The following CLDN3 variants were observed in gnomAD, a reference collection of about 807,000 sequenced individuals.
CLDN3 encodes claudin 3.
In CLDN3, 6 loss-of-function variants were observed where a neutral mutation model predicts 16.3. That is an observed-to-expected ratio of 0.37 (90% CI 0.20 to 0.73). The LOEUF (loss-of-function observed/expected upper bound fraction) is 0.73, where lower values mean the gene tolerates loss of function less well. CLDN3 is among the 30% of genes least tolerant of loss of function. The pLI is 0.52. For missense variants in CLDN3, 248 were observed against 305.2 expected, an observed-to-expected ratio of 0.81 and a Z score of 1.40; for synonymous variants, 145 against 150.1, an observed-to-expected ratio of 0.97 and a Z score of 0.25.
In CLDN3 at chr7:73,769,292, C is replaced by G; in HGVS notation, c.*95G>C. The G allele has an allele frequency of 6.6e-7, 1 of 1,505,856 alleles. No individual in the cohort carries two copies. The highest frequency in any genetic ancestry group is 8.8e-7 in the Non-Finnish European group (1 of 1,133,404). The allele number at this position is 1,505,856 out of a possible 1,614,324, so 93.3% of individuals were successfully genotyped here. On this transcript the variant is annotated 3_prime_UTR_variant, in exon 1 of 1. Transcript: ENST00000395145. ...GGGTGGGCTGGCCTCCGAGGCAAGG[C>G]TGCACGCTGGATGGCCTGGTGCGCG...
rs1351950085 is a variant in CLDN3 at position 73,770,270 on chromosome 7, T to C, written c.-221A>G. On this transcript the variant is annotated 5_prime_UTR_variant, in exon 1 of 1. Transcript: ENST00000395145. The surrounding 1 kb of genome is among the most constrained non-coding windows in gnomAD (Gnocchi z 5.7). ...TGTGGGCGGGCGGCGGCGACTGGGC[T>C]GGCCCTGGGCTGGGGCCGGTGCGTC... 3.0e-5 allele frequency: 19 copies of C among 637,484 alleles called. No homozygotes were observed. The highest frequency in any genetic ancestry group is 4.5e-5 in the Non-Finnish European group (19 of 421,324). 39.5% of individuals were successfully genotyped at this position (637,484 alleles called of 1,614,324 possible).
At position 73,769,699 on chromosome 7, in the gene CLDN3, G is replaced by A. The variant is rs1317870609; in HGVS notation, c.351C>T (p.Thr117=). ...VQDDTAKAKI[T]IVAGVLFLLA... is the part of the protein sequence containing the mutation. ...GAAGGAACAGCACGCCTGCCACGAT[G>A]GTGATCTTGGCCTTGGCCGTGTCGT... The change falls in exon 1 of 1, where the codon ACC becomes ACT. Residue 117 remains threonine, a synonymous_variant. Coordinates refer to ENST00000395145, the MANE Select transcript of CLDN3 (RefSeq NM_001306.4). 1 of 1,612,684 alleles carries A rather than the reference G, an allele frequency of 6.2e-7. No homozygotes were observed. Among genetic ancestry groups the A allele is most frequent in the Non-Finnish European group, 8.5e-7 (1 of 1,179,762 alleles).
chr7:73,770,167 T>C lies in CLDN3; in HGVS notation c.-118A>G. On this transcript the variant is annotated 5_prime_UTR_variant, in exon 1 of 1. Coordinates refer to ENST00000395145, the MANE Select transcript of CLDN3 (RefSeq NM_001306.4). This position sits in a 1 kb window ranked among gnomAD's most constrained non-coding sequence, Gnocchi z 5.7. Reference sequence around the variant, plus strand: ...CCGACGGACGGACGGACGGACGGACTGACTCACCGACGGCGCGCGCTAACG... The same window carrying C: ...CCGACGGACGGACGGACGGACGGACCGACTCACCGACGGCGCGCGCTAACG... The C allele has an allele frequency of 2.2e-6, 3 of 1,348,024 alleles. No individual in the cohort carries two copies. The highest frequency in any genetic ancestry group is 2.9e-6 in the Non-Finnish European group (3 of 1,050,390). 83.5% of individuals were successfully genotyped at this position (1,348,024 alleles called of 1,614,324 possible).
chr7:73,769,654 G>C lies in CLDN3; in HGVS notation c.396C>G (p.Leu132=), dbSNP rs782444427. Residue 132 remains leucine, a synonymous_variant, in exon 1 of 1, where the codon CTC becomes CTG. Coordinates refer to ENST00000395145, the MANE Select transcript of CLDN3 (RefSeq NM_001306.4). ...TGTTGGCCGACCAGGACACCGGCAC[G>C]AGGGTGAGCAGGGCGGCGAGAAGGA... is the stretch of plus-strand genomic sequence containing the variant. ...VLFLLAALLT[L]VPVSWSANTI... is the part of the protein sequence containing the mutation. 2.5e-6 allele frequency: 4 copies of C among 1,613,010 alleles called. No individual in the cohort carries two copies. Among genetic ancestry groups the C allele is most frequent in the Non-Finnish European group, 3.4e-6 (4 of 1,179,842 alleles).
Position 73,769,862 on chromosome 7 carries a change from C to T in CLDN3, c.188G>A (p.Cys63Tyr). 1 of 1,612,844 alleles carries T rather than the reference C, an allele frequency of 6.2e-7. No individual in the cohort carries two copies. Among genetic ancestry groups the T allele is most frequent in the Non-Finnish European group, 8.5e-7 (1 of 1,179,968 alleles). The change falls in exon 1 of 1, where the codon TGC becomes TAC. Residue 63 changes from cysteine (C) to tyrosine (Y), a missense_variant. Coordinates refer to ENST00000395145, the MANE Select transcript of CLDN3 (RefSeq NM_001306.4). Reference protein sequence around the residue: ...CVVQSTGQMQCKVYDSLLALP... With the variant: ...CVVQSTGQMQYKVYDSLLALP... The stretch of plus-strand genomic sequence containing the variant: ...TGCCAGCAGCGAGTCGTACACCTTG[C>T]ACTGCATCTGGCCGGTGCTCTGCAC...
rs1236401341 is a variant in CLDN3, at chr7:73,769,036, C to G, written c.*351G>C. ...CTTTTATTGAAAAATATCAAGTGCC[C>G]CTTCCAGGGCTGCCGGTCCCTGCCC... On this transcript the variant is annotated 3_prime_UTR_variant, in exon 1 of 1. Transcript: ENST00000395145. 2.1e-5 allele frequency: 8 copies of G among 386,376 alleles called. No individual in the cohort carries two copies. Among genetic ancestry groups the G allele is most frequent in the Non-Finnish European group, 3.2e-5 (7 of 218,722 alleles). 23.9% of individuals were successfully genotyped at this position (386,376 alleles called of 1,614,324 possible). A position where few individuals can be genotyped will look rare whatever the true frequency, so the allele number is the denominator to read the frequency against.
At position 73,770,168 on chromosome 7, in the gene CLDN3, G is replaced by GACTC. The variant is rs1332320912; in HGVS notation, c.-123_-120dup. Reference sequence around the variant, plus strand: ...CGACGGACGGACGGACGGACGGACTGACTCACCGACGGCGCGCGCTAACGG... The same window carrying GACTC: ...CGACGGACGGACGGACGGACGGACTGACTCACTCACCGACGGCGCGCGCTAACGG... On this transcript the variant is annotated 5_prime_UTR_variant, in exon 1 of 1. Coordinates refer to ENST00000395145, the MANE Select transcript of CLDN3 (RefSeq NM_001306.4). The surrounding 1 kb of genome is among the most constrained non-coding windows in gnomAD (Gnocchi z 5.7). 1.5e-5 allele frequency: 20 copies of GACTC among 1,343,020 alleles called. No homozygotes were observed. Among genetic ancestry groups the GACTC allele is most frequent in the Non-Finnish European group, 1.9e-5 (20 of 1,046,446 alleles). The allele number at this position is 1,343,020 out of a possible 1,614,324, so 83.2% of individuals were successfully genotyped here.
rs1221946749 is a variant in CLDN3 at position 73,769,367 on chromosome 7, G to T, written c.*20C>A. The stretch of plus-strand genomic sequence containing the variant: ...GTGTTGGTGGTGGTGGTGGTGGTGG[G>T]GTCTCCCTGCGTCTGTCCCTTAGAC... On this transcript the variant is annotated 3_prime_UTR_variant, in exon 1 of 1. Coordinates refer to ENST00000395145, the MANE Select transcript of CLDN3 (RefSeq NM_001306.4). The T allele has an allele frequency of 2.3e-5, 36 of 1,568,868 alleles. No individual in the cohort carries two copies. The highest frequency in any genetic ancestry group is 3.0e-5 in the Non-Finnish European group (35 of 1,164,052).
At position 73,769,212 on chromosome 7, in the gene CLDN3, C is replaced by T; in HGVS notation, c.*175G>A. ...GAAGTCGACTGCCCGGCCCGCAAAG[C>T]CGTGGCTGCTGGGGAAGCTGCCCCA... On this transcript the variant is annotated 3_prime_UTR_variant, in exon 1 of 1. Coordinates refer to ENST00000395145, the MANE Select transcript of CLDN3 (RefSeq NM_001306.4). 7.0e-7 allele frequency: 1 copy of T among 1,419,062 alleles called. No homozygotes were observed. The highest frequency in any genetic ancestry group is 1.5e-5 in the South Asian group (1 of 67,250). 87.9% of individuals were successfully genotyped at this position (1,419,062 alleles called of 1,614,324 possible). A position where few individuals can be genotyped will look rare whatever the true frequency, so the allele number is the denominator to read the frequency against.
rs781986336 is a variant in CLDN3, at chr7:73,769,588, C to T, written c.462G>A (p.Ala154=). ...GGCCCGCGCCCATCTCGCGCTTCTG[C>T]GCCTCGGGCACCACGGGGTTGTAGA... ...RDFYNPVVPE[A]QKREMGAGLY... The change falls in exon 1 of 1, where the codon GCG becomes GCA. Residue 154 remains alanine (A), a synonymous_variant. Coordinates refer to ENST00000395145, the MANE Select transcript of CLDN3 (RefSeq NM_001306.4). 3 of 1,607,142 alleles carry T rather than the reference C, an allele frequency of 1.9e-6. No individual in the cohort carries two copies. Among genetic ancestry groups the T allele is most frequent in the East Asian group, 4.5e-5 (2 of 44,718 alleles).
Position 73,769,110 on chromosome 7 carries a change from A to G in CLDN3, c.*277T>C. ...CCGATGGGGCTCGACGGGGTGGTCAAGTATTGGCGGTCACCCAGGCCCCGT... is the reference window on the plus strand; with the variant it reads ...CCGATGGGGCTCGACGGGGTGGTCAGGTATTGGCGGTCACCCAGGCCCCGT... On this transcript the variant is annotated 3_prime_UTR_variant, in exon 1 of 1. Transcript: ENST00000395145. 1.4e-6 allele frequency: 1 copy of G among 726,258 alleles called. No homozygotes were observed. The highest frequency in any genetic ancestry group is 2.0e-6 in the Non-Finnish European group (1 of 495,994). The allele number at this position is 726,258 out of a possible 1,614,324, so 45.0% of individuals were successfully genotyped here. A position where few individuals can be genotyped will look rare whatever the true frequency, so the allele number is the denominator to read the frequency against.
In CLDN3 at chr7:73,769,083, GC is replaced by G. The variant is rs1442492655; in HGVS notation, c.*303del. On this transcript the variant is annotated 3_prime_UTR_variant, in exon 1 of 1. Transcript: ENST00000395145. ...GCCCAGCGCGAGCATGGGGGCAGCGGCCCGATGGGGCTCGACGGGGTGGTCA... is the reference window on the plus strand; with the variant it reads ...GCCCAGCGCGAGCATGGGGGCAGCGGCCGATGGGGCTCGACGGGGTGGTCA... The G allele has an allele frequency of 2.3e-5, 13 of 561,110 alleles. No homozygotes were observed. Among genetic ancestry groups the G allele is most frequent in the Non-Finnish European group, 3.4e-5 (12 of 353,310 alleles). The allele number at this position is 561,110 out of a possible 1,614,324, so 34.8% of individuals were successfully genotyped here.
chr7:73,770,037 G>C lies in CLDN3; in HGVS notation c.13C>G (p.Leu5Val), dbSNP rs1554626776. MSMG[L>V]EITGTALAVL... ...GCCAGCGCGGTGCCCGTGATCTCCA[G>C]GCCCATGGACATGGCTGCCGCGGCA... The change falls in exon 1 of 1, where the codon CTG becomes GTG. Residue 5 changes from leucine (L) to valine (V), a missense_variant. Coordinates refer to ENST00000395145, the MANE Select transcript of CLDN3 (RefSeq NM_001306.4). This position sits in a 1 kb window ranked among gnomAD's most constrained non-coding sequence, Gnocchi z 5.7. 1 of 1,586,502 alleles carries C rather than the reference G, an allele frequency of 6.3e-7. No homozygotes were observed. The highest frequency in any genetic ancestry group is 1.8e-5 in the Admixed American group (1 of 56,308).
chr7:73,769,496 G>A lies in CLDN3; in HGVS notation c.554C>T (p.Pro185Leu). 1 of 1,609,704 alleles carries A rather than the reference G, an allele frequency of 6.2e-7. No homozygotes were observed. The change falls in exon 1 of 1, where the codon CCC becomes CTC. Residue 185 changes from proline to leucine, a missense_variant. Physicochemically the swap from Pro to Leu is moderately conservative, Grantham distance 98 (BLOSUM62 -3). Transcript: ENST00000395145. ...LGGALLCCSCPPREKKYTATK... is the reference protein window; with the variant it reads ...LGGALLCCSCLPREKKYTATK... ...GGCCGTGTACTTCTTCTCGCGTGGG[G>A]GACACGAGCAGCAGAGCAGCGCGCC...
Position 73,769,450 on chromosome 7 carries a change from C to T in CLDN3, c.600G>A (p.Ala200=), listed in dbSNP as rs1554626616. 2 of 1,605,896 alleles carry T rather than the reference C, an allele frequency of 1.2e-6. No homozygotes were observed. The highest frequency in any genetic ancestry group is 1.7e-6 in the Non-Finnish European group (2 of 1,179,708). The part of the protein sequence containing the change: ...KYTATKVVYS[A]PRSTGPGASL... ...TGGCTCCCGGGCCGGTGGAGCGCGG[C>T]GCGGAGTAGACGACCTTGGTGGCCG... Residue 200 remains alanine, a synonymous_variant, in exon 1 of 1, where the codon GCG becomes GCA. Coordinates refer to ENST00000395145, the MANE Select transcript of CLDN3 (RefSeq NM_001306.4).
Position 73,769,388 on chromosome 7 carries a change from T to C in CLDN3, c.662A>G (p.Ter221=). The change falls in exon 1 of 1, where the codon TAA becomes TGA. Residue 221 remains the stop codon, a stop_retained_variant. Coordinates refer to ENST00000395145, the MANE Select transcript of CLDN3 (RefSeq NM_001306.4). ...GTGYDRKDYV[*] ...GTGGGGTCTCCCTGCGTCTGTCCCT[T>C]AGACGTAGTCCTTGCGGTCGTAGCC... is the stretch of plus-strand genomic sequence containing the variant. 1 of 1,594,408 alleles carries C rather than the reference T, an allele frequency of 6.3e-7. No individual in the cohort carries two copies. Among genetic ancestry groups the C allele is most frequent in the East Asian group, 2.2e-5 (1 of 44,768 alleles).
At position 73,769,179 on chromosome 7, in the gene CLDN3, T is replaced by C; in HGVS notation, c.*208A>G. On this transcript the variant is annotated 3_prime_UTR_variant, in exon 1 of 1. Transcript: ENST00000395145. The stretch of plus-strand genomic sequence containing the variant: ...TTCACAGTCCATGCAGGTTGGTCCC[T>C]GGGCCCCGAAGTCGACTGCCCGGCC... The C allele has an allele frequency of 3.0e-6, 4 of 1,333,866 alleles. No individual in the cohort carries two copies. The highest frequency in any genetic ancestry group is 3.9e-6 in the Non-Finnish European group (4 of 1,014,456). The allele number at this position is 1,333,866 out of a possible 1,614,324, so 82.6% of individuals were successfully genotyped here. A position where few individuals can be genotyped will look rare whatever the true frequency, so the allele number is the denominator to read the frequency against.
In CLDN3 at chr7:73,769,198, C is replaced by T. The variant is rs371792792; in HGVS notation, c.*189G>A. 291 of 1,405,500 alleles carry T rather than the reference C, an allele frequency of 2.1e-4. 2 individuals are homozygous for T. In the East Asian group the frequency reaches 4.6e-3, roughly 22 times the overall value. The allele number at this position is 1,405,500 out of a possible 1,614,324, so 87.1% of individuals were successfully genotyped here. A position where few individuals can be genotyped will look rare whatever the true frequency, so the allele number is the denominator to read the frequency against. The stretch of plus-strand genomic sequence containing the variant: ...GGTCCCTGGGCCCCGAAGTCGACTG[C>T]CCGGCCCGCAAAGCCGTGGCTGCTG... On this transcript the variant is annotated 3_prime_UTR_variant, in exon 1 of 1. Coordinates refer to ENST00000395145, the MANE Select transcript of CLDN3 (RefSeq NM_001306.4).
chr7:73,769,092 G>T lies in CLDN3; in HGVS notation c.*295C>A, dbSNP rs1322805400. 11 of 622,310 alleles carry T rather than the reference G, an allele frequency of 1.8e-5. No homozygotes were observed. Among genetic ancestry groups the T allele is most frequent in the Non-Finnish European group, 2.7e-5 (11 of 404,298 alleles). The allele number at this position is 622,310 out of a possible 1,614,324, so 38.5% of individuals were successfully genotyped here. A position where few individuals can be genotyped will look rare whatever the true frequency, so the allele number is the denominator to read the frequency against. ...GAGCATGGGGGCAGCGGCCCGATGG[G>T]GCTCGACGGGGTGGTCAAGTATTGG... On this transcript the variant is annotated 3_prime_UTR_variant, in exon 1 of 1. Coordinates refer to ENST00000395145, the MANE Select transcript of CLDN3 (RefSeq NM_001306.4).
Sources: allele counts gnomAD v4.1 joint callset, GRCh38; gene constraint gnomAD v4.1.1; non-coding constraint Gnocchi (gnomAD v3.1); transcripts MANE v1.5; gene names NCBI Gene and HGNC (gene_info 2026-07-23, HGNC 2026-07-21).